Variants in GPR161 observed in about 807,000 individuals in gnomAD.
GPR161 encodes G-protein coupled receptor RE2.
GPR161 carries 25 observed loss-of-function variants against 39.2 expected under a neutral mutation model. The ratio of observed to expected loss-of-function variants is 0.64; its 90% CI spans 0.47 to 0.89. GPR161 has a LOEUF of 0.89. Among genes scored for constraint, GPR161 ranks in the 40% least tolerant of loss-of-function variants. The probability of loss-of-function intolerance (pLI) is 0.00; values close to 1 mark genes in which losing one functional copy is unlikely to be tolerated. For missense variants in GPR161, 547 were observed against 677.8 expected, an observed-to-expected ratio of 0.81 and a Z score of 2.14; for synonymous variants, 286 against 276.6, an observed-to-expected ratio of 1.03 and a Z score of -0.34.
intron 2 of GPR161, among the ~76,000 whole-genome samples, chr1:168,103,743 T>C (rs1348074409): frequency 2.0e-5 from 3 of 152,252 alleles, no homozygotes; most frequent in Non-Finnish European, 1.5e-5. Context: ...CCTGTCCTCA[T>C]GAAGCCCAAC....
chr1:168,134,820 C>T (rs1251064202), intron 1 of GPR161: 2 of 1,238,898 alleles, frequency 1.6e-6, no homozygotes, highest in African/African-American at 3.0e-5. Context: ...ACAGCTCCCA[C>T]CCAGCCCTCC....
In GPR161 at chr1:168,097,054, C is replaced by T. The variant is rs527728502; in HGVS notation, c.553G>A (p.Glu185Lys). ...KWMCVAAWHREPGYTAFWQIW... is the reference protein window; with the variant it reads ...KWMCVAAWHRKPGYTAFWQIW... ...TGCCAGAAGGCCGTGTAGCCAGGCT[C>T]CCGGTGCCAAGCAGCCACACACATC... Residue 185 changes from glutamate (E) to lysine (K), a missense_variant, in exon 3 of 6, where the codon GAG becomes AAG. Physicochemically the swap from Glu to Lys is moderately conservative, Grantham distance 56 (BLOSUM62 1). Coordinates refer to ENST00000682931, the MANE Select transcript of GPR161 (RefSeq NM_001375883.1). 3 of 1,614,042 alleles carry T rather than the reference C, an allele frequency of 1.9e-6. No individual in the cohort carries two copies. Among genetic ancestry groups the T allele is most frequent in the Non-Finnish European group, 2.5e-6 (3 of 1,180,006 alleles).
At position 168,129,713 on chromosome 1, in the gene GPR161, G is replaced by A. The variant is rs919618236; in HGVS notation, c.-45+7026C>T. Among the ~76,000 whole-genome samples, 6 of 152,312 alleles carry A rather than the reference G, an allele frequency of 3.9e-5. No homozygotes were observed. In the East Asian group the frequency reaches 7.7e-4, roughly 20 times the overall value. On this transcript the variant is annotated intron_variant, in intron 1 of 5. Transcript: ENST00000682931. ...TCTATCATTTTACAGATGACAAAAT[G>A]AAAGCCCAAGGGGCTGAAATGAGTT...
In GPR161 at chr1:168,104,772, T is replaced by C. The variant is rs747924057; in HGVS notation, c.79A>G (p.Ile27Val). 1.9e-6 allele frequency: 3 copies of C among 1,613,972 alleles called. No individual in the cohort carries two copies. The highest frequency in any genetic ancestry group is 2.2e-5 in the East Asian group (1 of 44,884). ...TEEEGGEGGVIITQFIAIIVI... is the reference protein window; with the variant it reads ...TEEEGGEGGVVITQFIAIIVI... Reference sequence around the variant, plus strand: ...ATGATGGCGATGAACTGGGTGATGATGACGCCCCCTTCGCCACCCTCCTCC... The same window carrying C: ...ATGATGGCGATGAACTGGGTGATGACGACGCCCCCTTCGCCACCCTCCTCC... Residue 27 changes from isoleucine to valine, a missense_variant, in exon 2 of 6, where the codon ATC becomes GTC. Physicochemically the swap from Ile to Val is conservative, Grantham distance 29 (BLOSUM62 3). Coordinates refer to ENST00000682931, the MANE Select transcript of GPR161 (RefSeq NM_001375883.1).
chr1:168,100,602 C>A (rs3767479), intron 2 of GPR161, among the ~76,000 whole-genome samples: 51,682 of 152,028 alleles, frequency 0.34, 9,079 homozygotes, highest in Admixed American at 0.46. Flanking sequence ...ACAAGACCAG[C>A]CACTTTGACA....
chr1:168,119,051 A>C (rs1440934894), intron 1 of GPR161, among the ~76,000 whole-genome samples: 1 of 151,674 alleles, frequency 6.6e-6, no homozygotes, highest in Non-Finnish European at 1.5e-5. Context: ...AATTAAACAC[A>C]GAATTACCAT....
intron 1 of GPR161, among the ~76,000 whole-genome samples, chr1:168,108,200 C>G (rs7553725): frequency 2.0e-5 from 3 of 152,058 alleles, no homozygotes; most frequent in Non-Finnish European, 2.9e-5. Context: ...ACAACCCATT[C>G]TAGTGGGAAC....
intron 1 of GPR161, among the ~76,000 whole-genome samples, chr1:168,113,958 T>C (rs930790319): frequency 1.3e-5 from 2 of 152,172 alleles, no homozygotes; most frequent in African/African-American, 2.4e-5. Flanking sequence ...AACCTGCACA[T>C]GTACCACTGA....
chr1:168,128,278 T>C (rs985780236), intron 1 of GPR161, among the ~76,000 whole-genome samples: 2 of 152,194 alleles, frequency 1.3e-5, no homozygotes, highest in African/African-American at 2.4e-5. Context: ...ACCCACTCCC[T>C]ACCTCACTAT....
chr1:168,080,137 C>G lies in GPR161; in HGVS notation c.*5394G>C. On this transcript the variant is annotated 3_prime_UTR_variant, in exon 6 of 6. Transcript: ENST00000682931. ...ATCCAAAGTATTTGTTAGATACTTT[C>G]CAGTGAGTCCAGTCACTTTCCTTGG... 1 of 152,200 alleles carries G rather than the reference C, an allele frequency of 6.6e-6. No homozygotes were observed. The highest frequency in any genetic ancestry group is 2.1e-4 in the South Asian group (1 of 4,826). The allele number at this position is 152,200 out of a possible 1,614,324, so 9.4% of individuals were successfully genotyped here.
At chr1:168,136,267 C>T (rs1335171241) in intron 1 of GPR161, 6 of 1,430,540 alleles carry the variant, frequency 4.2e-6, no homozygotes, top group Middle Eastern at 1.8e-4. Context: ...CTGGTCCTCA[C>T]GGATTCCAGC....
Position 168,104,608 on chromosome 1 carries a change from C to G in GPR161, c.243G>C (p.Leu81=), listed in dbSNP as rs34558931. Reference sequence around the variant, plus strand: ...GGATGGAGCTCGTCACCACAAAAGGCAGCACCAACACGGACAGCAGGAAGT... The same window carrying G: ...GGATGGAGCTCGTCACCACAAAAGGGAGCACCAACACGGACAGCAGGAAGT... ...LSNFLLSVLV[L]PFVVTSSIRR... Residue 81 remains leucine (L), a synonymous_variant, in exon 2 of 6, where the codon CTG becomes CTC. Transcript: ENST00000682931. 9.3e-4 allele frequency: 1,504 copies of G among 1,614,076 alleles called. 16 individuals carry two copies. In the African/African-American group the frequency reaches 0.018, roughly 19 times the overall value.
intron 1 of GPR161, among the ~76,000 whole-genome samples, chr1:168,120,127 G>A (rs1021476371): frequency 1.6e-4 from 24 of 152,196 alleles, no homozygotes; most frequent in African/African-American, 5.1e-4. Flanking sequence ...AAAGCCGCAG[G>A]CACTCAACAC....
At chr1:168,116,336 G>A (rs768464165) in intron 1 of GPR161, among the ~76,000 whole-genome samples, 6 of 152,192 alleles carry the variant, frequency 3.9e-5, no homozygotes, top group Non-Finnish European at 8.8e-5. Context: ...TCCTCCAGGT[G>A]AGGAAAATTC....
chr1:168,107,598 T>TTTAC (rs1696727314), intron 1 of GPR161, among the ~76,000 whole-genome samples: 1 of 152,218 alleles, frequency 6.6e-6, no homozygotes, highest in Non-Finnish European at 1.5e-5. Context: ...CCTCCATCAC[T>TTTAC]GTAAGAAATA....
chr1:168,102,520 C>T lies in GPR161; in HGVS notation c.374+1957G>A, dbSNP rs552860684. On this transcript the variant is annotated intron_variant, in intron 2 of 5. Transcript: ENST00000682931. ...GGAGTAGACATCCAACCAATATTTC[C>T]AGTGTGAAATAAGGCCCTGAAAGAG... 3.3e-5 allele frequency among the ~76,000 whole-genome samples: 5 copies of T among 152,258 alleles called. No individual in the cohort carries two copies. In the East Asian group the frequency reaches 9.7e-4, roughly 29 times the overall value.
Position 168,101,475 on chromosome 1 carries a change from G to A in GPR161, c.374+3002C>T, listed in dbSNP as rs184800739. ...GAAATGTCAACAGTGCTAAGGTGGA[G>A]AAACCCTGAGCTACGCTAGCTGGCT... On this transcript the variant is annotated intron_variant, in intron 2 of 5. Transcript: ENST00000682931. Among the ~76,000 whole-genome samples, 24 of 152,294 alleles carry A rather than the reference G, an allele frequency of 1.6e-4. No individual in the cohort carries two copies. In the East Asian group the frequency reaches 3.7e-3, roughly 23 times the overall value.
chr1:168,088,485 C>G (rs1694756106), intron 4 of GPR161: 2 of 152,234 alleles, frequency 1.3e-5, no homozygotes, highest in Admixed American at 1.3e-4. Context: ...GGTGTGATTA[C>G]CCGACATAGA....
intron 1 of GPR161, among the ~76,000 whole-genome samples, chr1:168,110,484 G>A (rs1359393718): frequency 7.5e-6 from 1 of 133,750 alleles, no homozygotes; most frequent in Non-Finnish European, 1.5e-5. Flanking sequence ...AGACGACAGA[G>A]TGAGACCCTG....
Sources: allele counts gnomAD v4.1 joint callset (sites outside exome capture counted in the v4.1 genomes callset), GRCh38; gene constraint gnomAD v4.1.1; transcripts MANE v1.5; gene names NCBI Gene and HGNC (gene_info 2026-07-23, HGNC 2026-07-21).